ADGRL3: variants seen among roughly 807,000 people sequenced by gnomAD.
ADGRL3 encodes calcium-independent alpha-latrotoxin receptor 3.
Under a neutral mutation model 153.5 loss-of-function variants are expected in ADGRL3, and 62 were observed. The ratio of observed to expected loss-of-function variants is 0.40; its 90% CI spans 0.33 to 0.50. The LOEUF (loss-of-function observed/expected upper bound fraction) is 0.50. Ranked by LOEUF, ADGRL3 falls within the 20% of genes least tolerant of loss-of-function variation. ADGRL3 has a pLI of 0.47. For synonymous variants in ADGRL3, 710 were observed against 672.5 expected (o/e 1.06, Z -0.86); for missense variants, 1,641 against 1,859.4 (o/e 0.88, Z 2.16).
At chr4:61,806,518 C>A (rs2097554454) in intron 8 of ADGRL3, among the ~76,000 whole-genome samples, 1 of 151,762 alleles carries the variant, frequency 6.6e-6, no homozygotes, top group African/African-American at 2.4e-5. Flanking sequence ...ATTTTTCTAT[C>A]TAATATACAA....
chr4:61,281,329 G>A (rs559222086), intron 1 of ADGRL3, among the ~76,000 whole-genome samples: 1 of 152,016 alleles, frequency 6.6e-6, no homozygotes, highest in Non-Finnish European at 1.5e-5. Flanking sequence ...TTTTTTACTT[G>A]TAAGCTTCCA....
chr4:61,888,664 G>A (rs1441681614), intron 9 of ADGRL3, among the ~76,000 whole-genome samples: 1 of 152,086 alleles, frequency 6.6e-6, no homozygotes, highest in Non-Finnish European at 1.5e-5. Flanking sequence ...AAGTTAAATG[G>A]AATGGTATGA....
chr4:61,590,678 T>A (rs1184039728), intron 5 of ADGRL3, among the ~76,000 whole-genome samples: 1 of 152,132 alleles, frequency 6.6e-6, no homozygotes, highest in African/African-American at 2.4e-5. Flanking sequence ...ACATTTTACT[T>A]TTTATCTCAT....
At chr4:61,880,668 TTG>T (rs1312896563) in intron 9 of ADGRL3, among the ~76,000 whole-genome samples, 8 of 152,202 alleles carry the variant, frequency 5.3e-5, no homozygotes, top group Admixed American at 3.9e-4. Flanking sequence ...TTACATGTGG[TTG>T]TGGTAGAATG....
intron 2 of ADGRL3, among the ~76,000 whole-genome samples, chr4:61,488,158 A>G (rs1184664175): frequency 6.6e-6 from 1 of 152,044 alleles, no homozygotes; most frequent in Non-Finnish European, 1.5e-5. Flanking sequence ...ATTTGTTTCT[A>G]AACATTAATA....
At chr4:61,475,012 C>T (rs2098026708) in intron 2 of ADGRL3, among the ~76,000 whole-genome samples, 2 of 152,108 alleles carry the variant, frequency 1.3e-5, no homozygotes, top group Admixed American at 1.3e-4. Flanking sequence ...GTGTGCATCT[C>T]ATAACAATCA....
rs539539285 is a variant in ADGRL3 at position 61,700,852 on chromosome 4, G to A, written c.583+23917G>A. Among the ~76,000 whole-genome samples the A allele has an allele frequency of 6.6e-5, 10 of 152,246 alleles. 1 individual carries two copies. In the East Asian group the frequency reaches 1.9e-3, roughly 29 times the overall value. On this transcript the variant is annotated intron_variant, in intron 6 of 26. Coordinates refer to ENST00000683033, the MANE Select transcript of ADGRL3 (RefSeq NM_001387552.1). ...AGCTTGGGGATCAAGAATGAGCTAG[G>A]GAGAGAAAGAATAACAATAGCTAAG... is the stretch of plus-strand genomic sequence containing the variant.
chr4:61,547,035 T>C (rs9312079), intron 4 of ADGRL3, among the ~76,000 whole-genome samples: 25,751 of 152,174 alleles, frequency 0.17, 2,715 homozygotes, highest in Non-Finnish European at 0.24. Flanking sequence ...GAACGTATTC[T>C]GAGAGAATCA....
At chr4:61,960,469 G>A (rs1003571346) in intron 17 of ADGRL3, among the ~76,000 whole-genome samples, 11 of 152,140 alleles carry the variant, frequency 7.2e-5, no homozygotes, top group East Asian at 1.9e-4. Flanking sequence ...AGAAGACTTC[G>A]TAGGACATAG....
At chr4:61,465,961 G>T (rs949856392) in intron 2 of ADGRL3, among the ~76,000 whole-genome samples, 1 of 151,232 alleles carries the variant, frequency 6.6e-6, no homozygotes, top group Non-Finnish European at 1.5e-5. Flanking sequence ...CTCTGTACTC[G>T]AATACAAAAC....
intron 21 of ADGRL3, 57 bp downstream of exon 21, chr4:61,998,322 A>G (rs1178085129): frequency 4.8e-6 from 4 of 829,248 alleles, no homozygotes; most frequent in Non-Finnish European, 7.4e-6. Flanking sequence ...ACTCCAAACT[A>G]TCCTTTCTAT....
chr4:61,512,100 C>T (rs1204222627), intron 3 of ADGRL3, among the ~76,000 whole-genome samples: 1 of 146,898 alleles, frequency 6.8e-6, no homozygotes, highest in East Asian at 2.1e-4. Flanking sequence ...CTTCTCTGCC[C>T]CCCAACCCTT....
At chr4:61,702,635 A>C (rs559457020) in intron 6 of ADGRL3, among the ~76,000 whole-genome samples, 1 of 152,246 alleles carries the variant, frequency 6.6e-6, no homozygotes, top group African/African-American at 2.4e-5. Context: ...ATTAATATTA[A>C]AGTGATCAGT....
At chr4:61,442,605 A>G (rs1350476095) in intron 2 of ADGRL3, among the ~76,000 whole-genome samples, 1 of 152,138 alleles carries the variant, frequency 6.6e-6, no homozygotes, top group Non-Finnish European at 1.5e-5. Context: ...GTAGAAGAAA[A>G]TAGTACTGTT....
intron 9 of ADGRL3, among the ~76,000 whole-genome samples, chr4:61,889,180 G>A (rs747371494): frequency 6.6e-6 from 1 of 152,196 alleles, no homozygotes; most frequent in Non-Finnish European, 1.5e-5. Context: ...ACATATTAGT[G>A]TATAACCCAG....
chr4:62,007,356 T>TTATATATA (rs71666906), intron 21 of ADGRL3, among the ~76,000 whole-genome samples: 621 of 30,880 alleles, frequency 0.02, 30 homozygotes, highest in African/African-American at 0.053. Context: ...GACAAAATGA[T>TTATATATA]TATATATATA....
At chr4:61,674,604 G>A (rs1295851090) in intron 5 of ADGRL3, among the ~76,000 whole-genome samples, 3 of 151,638 alleles carry the variant, frequency 2.0e-5, no homozygotes, top group African/African-American at 7.3e-5. Flanking sequence ...ATTTTATAGT[G>A]CCACTTTTCC....
At chr4:61,455,592 A>G (rs1160741921) in intron 2 of ADGRL3, among the ~76,000 whole-genome samples, 5 of 152,090 alleles carry the variant, frequency 3.3e-5, no homozygotes, top group African/African-American at 4.8e-5. Flanking sequence ...TCATGAGTAT[A>G]ATATGTAGTA....
intron 1 of ADGRL3, among the ~76,000 whole-genome samples, chr4:61,291,218 G>GCACACACACACACGCACACACGCACACA (rs765771949): frequency 7.5e-6 from 1 of 134,006 alleles, no homozygotes; most frequent in African/African-American, 2.8e-5. Flanking sequence ...ACACACACAC[G>GCACACACACACACGCACACACGCACACA]CACACACACA....
Sources: allele counts gnomAD v4.1 joint callset (sites outside exome capture counted in the v4.1 genomes callset), GRCh38; gene constraint gnomAD v4.1.1; transcripts MANE v1.5; gene names NCBI Gene and HGNC (gene_info 2026-07-23, HGNC 2026-07-21).